GSTA1: variants seen among roughly 807,000 people sequenced by gnomAD.
GSTA1 encodes glutathione S-transferase A1.
In GSTA1, 23 loss-of-function variants were observed where a neutral mutation model predicts 21.5. The observed-to-expected ratio is 1.07, with a 90% confidence interval of 0.77 to 1.52. GSTA1 has a LOEUF of 1.52. Among genes scored for constraint, GSTA1 ranks in the 40% most tolerant of loss-of-function variants. The pLI is 0.00. For missense variants in GSTA1, 301 were observed against 264.2 expected (o/e 1.14, Z -0.96); for synonymous variants, 125 against 90.0 (o/e 1.39, Z -2.20).
At chr6:52,793,862 T>C (rs1431643039) in intron 5 of GSTA1, among the ~76,000 whole-genome samples, 2 of 152,226 alleles carry the variant, frequency 1.3e-5, no homozygotes, top group Admixed American at 6.5e-5. Flanking sequence ...ATTCTACTTA[T>C]GAACATGAAA....
intron 5 of GSTA1, among the ~76,000 whole-genome samples, chr6:52,793,590 G>T (rs147495077): frequency 5.3e-5 from 8 of 152,050 alleles, no homozygotes; most frequent in African/African-American, 1.4e-4. Flanking sequence ...AGCGTTTACG[G>T]GTGAACTGCA....
chr6:52,803,531 G>A (rs1202917548), intron 1 of GSTA1, among the ~76,000 whole-genome samples: 1 of 151,888 alleles, frequency 6.6e-6, no homozygotes, highest in East Asian at 1.9e-4. Flanking sequence ...TTCTCTTCAT[G>A]TCATTGTTTC....
chr6:52,796,066 G>A (rs968917458), intron 4 of GSTA1, 116 bp downstream of exon 4: 192 of 1,490,436 alleles, frequency 1.3e-4, no homozygotes, highest in Non-Finnish European at 1.6e-4. Context: ...CAGCGTACAT[G>A]CCCAAGGCCC....
intron 4 of GSTA1, 150 bp downstream of exon 4, chr6:52,796,032 A>G (rs1429627428): frequency 4.5e-5 from 51 of 1,135,798 alleles, no homozygotes; most frequent in Non-Finnish European, 6.4e-5. Flanking sequence ...CCTCATCTCC[A>G]TGGGACTCTG....
chr6:52,796,419 A>C, intron 3 of GSTA1, 105 bp from the exon 4 acceptor site: 3 of 1,447,814 alleles, frequency 2.1e-6, no homozygotes, highest in Non-Finnish European at 2.8e-6. Flanking sequence ...ATGGCAAAGA[A>C]ATTACTGCCT....
intron 2 of GSTA1, among the ~76,000 whole-genome samples, chr6:52,798,160 T>G (rs1176046389): frequency 6.6e-6 from 1 of 152,226 alleles, no homozygotes; most frequent in East Asian, 1.9e-4. Flanking sequence ...CACTTGCAAC[T>G]GTAATTTTCT....
chr6:52,799,348 G>A, intron 1 of GSTA1, 51 bp from the exon 2 acceptor site: 1 of 1,281,850 alleles, frequency 7.8e-7, no homozygotes, highest in South Asian at 1.3e-5. Flanking sequence ...AATCAAAAAT[G>A]TACTTTAGGA....
Position 52,799,298 on chromosome 6 carries a change from C to T in GSTA1, c.-30-1G>A, listed in dbSNP as rs554992055. On this transcript the variant is annotated splice_acceptor_variant, in intron 1 of 6. Transcript: ENST00000334575. LOFTEE classifies it low-confidence loss of function (5UTR_SPLICE). ...CAGTCTCCTGGAGGTTTCTCTAAGC[C>T]TGAATGAATGAATGAATGAATGAAT... 15 of 1,530,418 alleles carry T rather than the reference C, an allele frequency of 9.8e-6. No homozygotes were observed. In the South Asian group the frequency reaches 1.6e-4, roughly 17 times the overall value. The allele number at this position is 1,530,418 out of a possible 1,614,324, so 94.8% of individuals were successfully genotyped here. A position where few individuals can be genotyped will look rare whatever the true frequency, so the allele number is the denominator to read the frequency against.
chr6:52,793,705 T>G (rs1228445430), intron 5 of GSTA1, among the ~76,000 whole-genome samples: 1 of 152,202 alleles, frequency 6.6e-6, no homozygotes, highest in African/African-American at 2.4e-5. Flanking sequence ...GCTACAGTAT[T>G]CTCTGGTTGG....
intron 4 of GSTA1, among the ~76,000 whole-genome samples, chr6:52,794,962 A>G (rs1335480161): frequency 6.6e-6 from 1 of 152,226 alleles, no homozygotes; most frequent in Non-Finnish European, 1.5e-5. Context: ...AACTTTATTG[A>G]TGCATATTCA....
At chr6:52,800,627 G>A (rs759713166) in intron 1 of GSTA1, among the ~76,000 whole-genome samples, 3 of 152,120 alleles carry the variant, frequency 2.0e-5, no homozygotes, top group Non-Finnish European at 4.4e-5. Context: ...TTTGGGAGGT[G>A]GAACATAGCA....
At chr6:52,794,975 T>C (rs892998075) in intron 4 of GSTA1, among the ~76,000 whole-genome samples, 17 of 152,250 alleles carry the variant, frequency 1.1e-4, no homozygotes, top group Admixed American at 6.5e-4. Flanking sequence ...CATATTCACA[T>C]ACTATAATTG....
At chr6:52,794,718 C>T (rs79759500) in intron 4 of GSTA1, among the ~76,000 whole-genome samples, 5,960 of 152,278 alleles carry the variant, frequency 0.039, 218 homozygotes, top group South Asian at 0.13. Context: ...CATCATTTTA[C>T]AGCTCCCAGG....
At chr6:52,799,086 A>G (rs761968445) in intron 2 of GSTA1, 95 bp downstream of exon 2, 5 of 1,152,280 alleles carry the variant, frequency 4.3e-6, no homozygotes, top group African/African-American at 1.5e-5. Context: ...TTAAGGCACA[A>G]TGCTTCAGTA....
At chr6:52,800,240 A>G (rs569871087) in intron 1 of GSTA1, among the ~76,000 whole-genome samples, 2 of 152,204 alleles carry the variant, frequency 1.3e-5, no homozygotes, top group Non-Finnish European at 2.9e-5. Flanking sequence ...CTCATTTTAC[A>G]TTTGAGGATA....
intron 4 of GSTA1, among the ~76,000 whole-genome samples, chr6:52,795,862 A>G (rs977499924): frequency 6.6e-6 from 1 of 152,154 alleles, no homozygotes; most frequent in Non-Finnish European, 1.5e-5. Context: ...TGTTGGCCAG[A>G]GTCGAGCCTC....
rs776620584 is a variant in GSTA1 at position 52,797,567 on chromosome 6, A to T, written c.139+19T>A. ...TCTACTAGATACCCTCATCAGAGGA[A>T]CTTAGAGATTGATCTTACCATTTCT... On this transcript the variant is annotated intron_variant, in intron 3 of 6. Transcript: ENST00000334575. 1 of 1,591,546 alleles carries T rather than the reference A, an allele frequency of 6.3e-7. No individual in the cohort carries two copies. Among genetic ancestry groups the T allele is most frequent in the East Asian group, 2.2e-5 (1 of 44,674 alleles).
intron 1 of GSTA1, among the ~76,000 whole-genome samples, chr6:52,802,373 A>G (rs1033207917): frequency 6.6e-6 from 1 of 152,212 alleles, no homozygotes. Context: ...TCATAAATGC[A>G]GTAGGTTGTT....
rs1131965 is a variant in GSTA1 at position 52,791,960 on chromosome 6, G to A, written c.567C>T (p.Ser189=). The A allele has an allele frequency of 1.9e-6, 3 of 1,613,898 alleles. No individual in the cohort carries two copies. The highest frequency in any genetic ancestry group is 2.2e-5 in the East Asian group (1 of 44,872). The change falls in exon 7 of 7, where the codon AGC becomes AGT. Residue 189 remains serine, a synonymous_variant. Transcript: ENST00000334575. ...PLLKALKTRI[S]NLPTVKKFLQ... ...GAAACTTCTTCACTGTGGGCAGGTT[G>A]CTGATTCTGGTTTTCAGGGCCTGTA... is the stretch of plus-strand genomic sequence containing the variant.
Sources: allele counts gnomAD v4.1 joint callset (sites outside exome capture counted in the v4.1 genomes callset), GRCh38; gene constraint gnomAD v4.1.1; transcripts MANE v1.5; gene names NCBI Gene and HGNC (gene_info 2026-07-23, HGNC 2026-07-21).